Variants in HSD3B2 observed in about 807,000 individuals in gnomAD.
HSD3B2 encodes 3 beta-hydroxysteroid dehydrogenase/Delta 5-->4-isomerase type 2.
HSD3B2 carries 8 observed loss-of-function variants against 9.9 expected under a neutral mutation model. That is an observed-to-expected ratio of 0.81 (90% confidence interval 0.47 to 1.46). The LOEUF (loss-of-function observed/expected upper bound fraction) is 1.46, where lower values mean the gene tolerates loss of function less well. Ranked by LOEUF, HSD3B2 falls within the 40% of genes most tolerant of loss-of-function variation. The pLI, the probability that HSD3B2 is intolerant of heterozygous loss-of-function variation, is 0.00. For missense variants in HSD3B2, 410 were observed against 448.3 expected (o/e 0.91, Z 0.77); for synonymous variants, 221 against 184.5 (o/e 1.20, Z -1.60).
rs753134237 is a variant in HSD3B2, at chr1:119,415,453, G to A, written c.34G>A (p.Gly12Arg). The part of the protein sequence containing the change: ...GWSCLVTGAG[G>R]LLGQRIVRLL... ...GAGCTGCCTTGTGACAGGAGCAGGA[G>A]GGCTTCTGGGTCAGAGGATCGTCCG... The change falls in exon 2 of 4, where the codon GGG (glycine) becomes AGG (arginine). Residue 12 changes from glycine (G) to arginine (R), a missense_variant. By Grantham distance (125) the Gly-to-Arg change is moderately radical (BLOSUM62 -2). Coordinates refer to ENST00000369416, the MANE Select transcript of HSD3B2 (RefSeq NM_000198.4). The A allele has an allele frequency of 1.2e-6, 2 of 1,613,888 alleles. No individual in the cohort carries two copies. The highest frequency in any genetic ancestry group is 1.3e-5 in the African/African-American group (1 of 74,906).
At position 119,418,425 on chromosome 1, in the gene HSD3B2, A is replaced by G. The variant is rs190195777; in HGVS notation, c.143-993A>G. Among the ~76,000 whole-genome samples, 548 of 152,108 alleles carry G rather than the reference A, an allele frequency of 3.6e-3. 1 individual carries two copies. The highest frequency in any genetic ancestry group is 6.8e-3 in the Middle Eastern group (2 of 294). ...CCTTCAAGGTGAGGTCTGAAATTCA[A>G]ACCTGGAGTGCATCTCTCCCCTCCT... is the stretch of plus-strand genomic sequence containing the variant. On this transcript the variant is annotated intron_variant, in intron 2 of 3. Transcript: ENST00000369416.
intron 2 of HSD3B2, among the ~76,000 whole-genome samples, chr1:119,416,310 C>CT (rs201185775): frequency 1.3e-5 from 2 of 151,736 alleles, no homozygotes; most frequent in Non-Finnish European, 2.9e-5. Context: ...CATATATAGC[C>CT]TTTTTAAAAA....
intron 3 of HSD3B2, 140 bp from the exon 4 acceptor site, chr1:119,421,669 C>G (rs1465168557): frequency 1.0e-6 from 1 of 959,520 alleles, no homozygotes; most frequent in African/African-American, 1.6e-5. Context: ...CAATCTCAGT[C>G]AGAGCCACAG....
rs80358218 is a variant in HSD3B2, at chr1:119,422,620, A to G, written c.1119A>G (p.Ter373TrpextTer95). Residue 373 changes from the stop codon to tryptophan, a stop_lost, in exon 4 of 4, where the codon TGA (stop) becomes TGG (tryptophan). Coordinates refer to ENST00000369416, the MANE Select transcript of HSD3B2 (RefSeq NM_000198.4). ...AGACCCTGAAGTCCAAGACTCAGTG[A>G]TTTAAGGATGACAGAGATGTGCATG... ...HKETLKSKTQ[*>W] 1.1e-5 allele frequency: 17 copies of G among 1,613,736 alleles called. No individual in the cohort carries two copies. The highest frequency in any genetic ancestry group is 1.4e-5 in the Non-Finnish European group (16 of 1,179,962).
At chr1:119,415,094 A>T (rs1557866929), upstream of HSD3B2, 1 of 373,896 alleles carries the variant, frequency 2.7e-6, no homozygotes, top group Non-Finnish European at 5.1e-6. Context: ...GTTCAAGGTA[A>T]TAAGGGCTGA....
chr1:119,420,309 C>A (rs1651826124), intron 3 of HSD3B2, among the ~76,000 whole-genome samples: 1 of 152,094 alleles, frequency 6.6e-6, no homozygotes, highest in Non-Finnish European at 1.5e-5. Flanking sequence ...AGAGCCCAGT[C>A]TCTTCAAAAC....
At chr1:119,421,288 T>C (rs960378754) in intron 3 of HSD3B2, among the ~76,000 whole-genome samples, 2 of 150,836 alleles carry the variant, frequency 1.3e-5, no homozygotes, top group African/African-American at 2.4e-5. Flanking sequence ...TTTAATTGTA[T>C]TGATGACAAA....
chr1:119,419,368 C>G, intron 2 of HSD3B2, 50 bp from the exon 3 acceptor site: 1 of 1,601,508 alleles, frequency 6.2e-7, no homozygotes, highest in Non-Finnish European at 8.6e-7. Context: ...CAGAAAACTT[C>G]CCAGCCAGAT....
chr1:119,419,973 A>T (rs1445649432), intron 3 of HSD3B2: 8 of 320,414 alleles, frequency 2.5e-5, no homozygotes, highest in Admixed American at 8.7e-5. Flanking sequence ...CAGACCTTCC[A>T]GGTGCCACCA....
At chr1:119,421,417 GTA>G (rs200307081) in intron 3 of HSD3B2, among the ~76,000 whole-genome samples, 1 of 90,334 alleles carries the variant, frequency 1.1e-5, no homozygotes, top group Non-Finnish European at 1.8e-5. Context: ...ATATATATAT[GTA>G]TATATATGTA....
rs587675471 is a variant in HSD3B2 at position 119,422,182 on chromosome 1, C to T, written c.681C>T (p.Asn227=). 164 of 1,613,544 alleles carry T rather than the reference C, an allele frequency of 1.0e-4. 1 individual carries two copies. In the East Asian group the frequency reaches 1.2e-3, roughly 12 times the overall value. ...CAGTCAACCCAGTCTATGTTGGCAA[C>T]GTGGCCTGGGCCCACATTCTGGCCT... ...FSTVNPVYVG[N]VAWAHILALR... The change falls in exon 4 of 4, where the codon AAC becomes AAT. Residue 227 remains asparagine, a synonymous_variant. Coordinates refer to ENST00000369416, the MANE Select transcript of HSD3B2 (RefSeq NM_000198.4).
chr1:119,418,554 G>T (rs1258372509), intron 2 of HSD3B2, among the ~76,000 whole-genome samples: 1 of 151,780 alleles, frequency 6.6e-6, no homozygotes, highest in Non-Finnish European at 1.5e-5. Flanking sequence ...CCCTATACCA[G>T]TCTGTTTTAT....
At chr1:119,415,021 G>A (rs587638696), upstream of HSD3B2, 1 of 284,810 alleles carries the variant, frequency 3.5e-6, no homozygotes, top group African/African-American at 2.2e-5. Context: ...ATAACCTAAA[G>A]GTCACTATTA....
Position 119,422,428 on chromosome 1 carries a change from C to A in HSD3B2, c.927C>A (p.Ser309=). The change falls in exon 4 of 4, where the codon TCC becomes TCA. Residue 309 remains serine, a synonymous_variant. Coordinates refer to ENST00000369416, the MANE Select transcript of HSD3B2 (RefSeq NM_000198.4). ...GCTTCCTACTCAGCCCAATTTACTC[C>A]TATCAACCCCCCTTCAACCGCCACA... ...VVSFLLSPIY[S]YQPPFNRHTV... is the part of the protein sequence containing the mutation. The A allele has an allele frequency of 6.2e-7, 1 of 1,614,102 alleles. No individual in the cohort carries two copies. Among genetic ancestry groups the A allele is most frequent in the Non-Finnish European group, 8.5e-7 (1 of 1,179,990 alleles).
chr1:119,418,892 T>C (rs1192400305), intron 2 of HSD3B2, among the ~76,000 whole-genome samples: 1 of 152,056 alleles, frequency 6.6e-6, no homozygotes. Context: ...AATCAAGTGA[T>C]TCACCACCTC....
At chr1:119,418,007 T>TTTATAAATAAGCAA (rs1651756559) in intron 2 of HSD3B2, among the ~76,000 whole-genome samples, 1 of 152,182 alleles carries the variant, frequency 6.6e-6, no homozygotes, top group Non-Finnish European at 1.5e-5. Context: ...GTGAGCCGTA[T>TTTATAAATAAGCAA]GCAGATTATA....
intron 3 of HSD3B2, 67 bp downstream of exon 3, chr1:119,419,649 G>A (rs1228912525): frequency 4.7e-6 from 7 of 1,484,142 alleles, no homozygotes; most frequent in Non-Finnish European, 5.6e-6. Context: ...GGACAAGAAA[G>A]GGAAGAGAAG....
chr1:119,421,526 TAC>T (rs750057057), intron 3 of HSD3B2, among the ~76,000 whole-genome samples: 42 of 138,476 alleles, frequency 3.0e-4, no homozygotes, highest in Non-Finnish European at 3.3e-4. Context: ...CACGTATACA[TAC>T]ACACACACAC....
At position 119,419,521 on chromosome 1, in the gene HSD3B2, C is replaced by T. The variant is rs587717286; in HGVS notation, c.246C>T (p.Ala82=). The T allele has an allele frequency of 1.4e-5, 22 of 1,613,836 alleles. No individual in the cohort carries two copies. In the South Asian group the frequency reaches 2.3e-4, roughly 17 times the overall value. ...ACGTCTCGGTCGTCATCCACACCGC[C>T]TGTATCATTGATGTCTTTGGTGTCA... ...CQDVSVVIHT[A]CIIDVFGVTH... The change falls in exon 3 of 4, where the codon GCC becomes GCT. Residue 82 remains alanine (A), a synonymous_variant. Coordinates refer to ENST00000369416, the MANE Select transcript of HSD3B2 (RefSeq NM_000198.4).
Sources: gnomAD v4.1 joint callset for allele counts (sites outside exome capture counted in the v4.1 genomes callset) on GRCh38, gnomAD v4.1.1 for gene constraint, MANE v1.5 for transcripts, NCBI Gene and HGNC (gene_info 2026-07-23, HGNC 2026-07-21) for gene names.